The following WDR70 variants were observed in gnomAD, a reference collection of about 807,000 sequenced individuals.
The protein encoded by WDR70 is WD repeat domain 70.
In WDR70, 53 loss-of-function variants were observed where a neutral mutation model predicts 88.6. The observed-to-expected ratio is 0.60, with a 90% CI of 0.48 to 0.75. The LOEUF is 0.75. Ranked by LOEUF, WDR70 falls within the 30% of genes least tolerant of loss-of-function variation. The pLI, the probability that WDR70 is intolerant of heterozygous loss-of-function variation, is 0.00. For missense variants in WDR70, 610 were observed against 823.2 expected (o/e 0.74, Z 3.17); for synonymous variants, 280 against 270.0 (o/e 1.04, Z -0.36).
At chr5:37,638,355 T>C (rs1271810121) in intron 10 of WDR70, among the ~76,000 whole-genome samples, 1 of 152,168 alleles carries the variant, frequency 6.6e-6, no homozygotes, top group Admixed American at 6.5e-5. Flanking sequence ...ACTTCGGAAG[T>C]ATGCCTGGAT....
chr5:37,409,705 A>C (rs1749464269), intron 5 of WDR70, among the ~76,000 whole-genome samples: 2 of 151,890 alleles, frequency 1.3e-5, no homozygotes, highest in African/African-American at 2.4e-5. Context: ...GGTTTTCACC[A>C]TGCTGGCCGG....
intron 9 of WDR70, among the ~76,000 whole-genome samples, chr5:37,523,947 A>G (rs997511093): frequency 3.9e-5 from 6 of 152,214 alleles, no homozygotes; most frequent in Non-Finnish European, 8.8e-5. Flanking sequence ...GTAAAAAGAA[A>G]TGAACAAAGC....
At chr5:37,694,181 T>G (rs1746907903) in intron 10 of WDR70, among the ~76,000 whole-genome samples, 1 of 152,160 alleles carries the variant, frequency 6.6e-6, no homozygotes, top group African/African-American at 2.4e-5. Context: ...TGGCGATCAT[T>G]AAAAAGTCAG....
intron 10 of WDR70, among the ~76,000 whole-genome samples, chr5:37,613,764 C>T (rs9292663): frequency 0.12 from 16,319 of 140,066 alleles, 2,814 homozygotes; most frequent in African/African-American, 0.37. Flanking sequence ...TTATTTAATC[C>T]ACACAGCAAC....
At chr5:37,752,429 A>C in intron 17 of WDR70, 57 bp from the exon 18 acceptor site, 2 of 1,374,116 alleles carry the variant, frequency 1.5e-6, no homozygotes, top group Non-Finnish European at 2.0e-6. Context: ...GCAAAATCTA[A>C]TGTAACAAAT....
chr5:37,745,472 C>A (rs1457187418), intron 17 of WDR70, among the ~76,000 whole-genome samples: 1 of 151,778 alleles, frequency 6.6e-6, no homozygotes, highest in African/African-American at 2.4e-5. Flanking sequence ...AAAAGATAGA[C>A]ACAGACTGGC....
At chr5:37,637,117 G>T (rs1345338788) in intron 10 of WDR70, among the ~76,000 whole-genome samples, 1 of 151,992 alleles carries the variant, frequency 6.6e-6, no homozygotes, top group Non-Finnish European at 1.5e-5. Flanking sequence ...CGAAGTGGGC[G>T]TATCACTTGA....
chr5:37,428,485 T>C (rs1750203700), intron 5 of WDR70, among the ~76,000 whole-genome samples: 1 of 152,238 alleles, frequency 6.6e-6, no homozygotes, highest in African/African-American at 2.4e-5. Context: ...TATAGGTTAA[T>C]TTAGCCCATT....
At chr5:37,571,454 G>T (rs914916622) in intron 9 of WDR70, among the ~76,000 whole-genome samples, 1 of 152,134 alleles carries the variant, frequency 6.6e-6, no homozygotes, top group Non-Finnish European at 1.5e-5. Context: ...TTGCCTAGAT[G>T]TTGGAATAAA....
chr5:37,417,529 C>A (rs531144129), intron 5 of WDR70, among the ~76,000 whole-genome samples: 30 of 108,450 alleles, frequency 2.8e-4, no homozygotes, highest in African/African-American at 8.0e-4. Context: ...CCGGCCACCA[C>A]CCCCACCGAC....
At chr5:37,731,238 G>A (rs2112713933) in intron 17 of WDR70, among the ~76,000 whole-genome samples, 1 of 152,268 alleles carries the variant, frequency 6.6e-6, no homozygotes, top group Admixed American at 6.5e-5. Context: ...GTGAGTGAAA[G>A]CACATTGCCC....
intron 10 of WDR70, among the ~76,000 whole-genome samples, chr5:37,622,408 T>C (rs7379224): frequency 0.47 from 70,345 of 150,734 alleles, 17,805 homozygotes; most frequent in Non-Finnish European, 0.57. Flanking sequence ...ACCCAAAGGA[T>C]TATAAATCAT....
intron 10 of WDR70, among the ~76,000 whole-genome samples, chr5:37,696,611 C>T (rs1262652244): frequency 6.6e-6 from 1 of 152,100 alleles, no homozygotes; most frequent in Non-Finnish European, 1.5e-5. Flanking sequence ...TTGGTAATGG[C>T]CCAGAACCAT....
At position 37,675,479 on chromosome 5, in the gene WDR70, C is replaced by A. The variant is rs1198384052; in HGVS notation, c.1093-22176C>A. On this transcript the variant is annotated intron_variant, in intron 10 of 17. Transcript: ENST00000265107. Reference sequence around the variant, plus strand: ...CTAGCCAGTTTTCCCAGCACCATTTCTTAAGTAGGGAATCCTTTCCCCATT... The same window carrying A: ...CTAGCCAGTTTTCCCAGCACCATTTATTAAGTAGGGAATCCTTTCCCCATT... Among the ~76,000 whole-genome samples the A allele has an allele frequency of 7.9e-5, 12 of 152,206 alleles. 1 individual carries two copies. The highest frequency in any genetic ancestry group is 1.9e-4 in the African/African-American group (8 of 41,506).
At chr5:37,476,718 T>A (rs1739497199) in intron 7 of WDR70, among the ~76,000 whole-genome samples, 1 of 152,090 alleles carries the variant, frequency 6.6e-6, no homozygotes, top group Non-Finnish European at 1.5e-5. Flanking sequence ...ACCTGGCTAA[T>A]TTTTTGTATT....
intron 8 of WDR70, among the ~76,000 whole-genome samples, chr5:37,515,876 A>C (rs138240634): frequency 3.0e-4 from 45 of 152,200 alleles, no homozygotes; most frequent in South Asian, 1.2e-3. Flanking sequence ...TTTGCTATGT[A>C]CTCTAGTTGA....
At chr5:37,692,930 C>A (rs1302309444) in intron 10 of WDR70, among the ~76,000 whole-genome samples, 4 of 152,142 alleles carry the variant, frequency 2.6e-5, no homozygotes, top group African/African-American at 9.7e-5. Flanking sequence ...CAGATTGTCC[C>A]TATTTGCAGA....
At chr5:37,485,112 G>A (rs1293619975) in intron 8 of WDR70, among the ~76,000 whole-genome samples, 1 of 152,202 alleles carries the variant, frequency 6.6e-6, no homozygotes, top group Non-Finnish European at 1.5e-5. Flanking sequence ...TATGGTTGAT[G>A]CAGAATTTTG....
intron 3 of WDR70, among the ~76,000 whole-genome samples, chr5:37,390,199 A>G (rs10037680): frequency 0.13 from 19,371 of 151,484 alleles, 4,069 homozygotes; most frequent in African/African-American, 0.44. Flanking sequence ...TATTTTAAAT[A>G]TTTTTTTGTC....
Sources: allele counts gnomAD v4.1 joint callset (sites outside exome capture counted in the v4.1 genomes callset), GRCh38; gene constraint gnomAD v4.1.1; transcripts MANE v1.5; gene names NCBI Gene and HGNC (gene_info 2026-07-23, HGNC 2026-07-21).